Variants in CCBE1 observed in about 807,000 individuals in gnomAD.
CCBE1 encodes the protein collagen and calcium binding EGF domains 1.
Under a neutral mutation model 50.0 loss-of-function variants are expected in CCBE1, and 37 were observed. The ratio of observed to expected loss-of-function variants is 0.74; its 90% confidence interval spans 0.57 to 0.97. CCBE1 has a LOEUF of 0.97. Ranked by LOEUF, CCBE1 falls within the 50% of genes least tolerant of loss-of-function variation. The pLI, the probability that CCBE1 is intolerant of heterozygous loss-of-function variation, is 0.00. For missense variants in CCBE1, 538 were observed against 523.8 expected, an observed-to-expected ratio of 1.03 and a Z score of -0.26; for synonymous variants, 234 against 203.7, an observed-to-expected ratio of 1.15 and a Z score of -1.27.
At chr18:59,668,623 A>T (rs949682456) in intron 2 of CCBE1, among the ~76,000 whole-genome samples, 4 of 152,008 alleles carry the variant, frequency 2.6e-5, no homozygotes, top group African/African-American at 9.7e-5. Flanking sequence ...GGTTTTGTTC[A>T]GTTTATATTA....
intron 2 of CCBE1, among the ~76,000 whole-genome samples, chr18:59,535,234 T>C (rs1331017228): frequency 1.3e-5 from 2 of 152,216 alleles, no homozygotes; most frequent in Non-Finnish European, 2.9e-5. Flanking sequence ...GAGCTGAGAC[T>C]GTGCTGGAGG....
chr18:59,589,106 C>G (rs1387296521), intron 2 of CCBE1, among the ~76,000 whole-genome samples: 1 of 152,192 alleles, frequency 6.6e-6, no homozygotes, highest in Non-Finnish European at 1.5e-5. Context: ...AGGTCTGGAA[C>G]TCAACCCTTG....
chr18:59,643,623 T>C (rs1429784542), intron 2 of CCBE1, among the ~76,000 whole-genome samples: 11 of 152,250 alleles, frequency 7.2e-5, no homozygotes, highest in Middle Eastern at 3.4e-3. Flanking sequence ...GGCAAAACCC[T>C]GCCAAAAATA....
chr18:59,517,689 A>G (rs1914431223), intron 2 of CCBE1, among the ~76,000 whole-genome samples: 1 of 152,170 alleles, frequency 6.6e-6, no homozygotes, highest in African/African-American at 2.4e-5. Flanking sequence ...TATAAGCACC[A>G]CTTAAAACCA....
intron 2 of CCBE1, among the ~76,000 whole-genome samples, chr18:59,610,415 C>T (rs1193927242): frequency 2.0e-5 from 3 of 150,254 alleles, no homozygotes; most frequent in East Asian, 3.9e-4. Context: ...ACCCCTCCTG[C>T]CCCCCAAATA....
At chr18:59,634,076 C>G (rs1167953378) in intron 2 of CCBE1, among the ~76,000 whole-genome samples, 5 of 152,170 alleles carry the variant, frequency 3.3e-5, no homozygotes, top group African/African-American at 1.2e-4. Flanking sequence ...TACTAGGGAC[C>G]TGAATCCAAC....
chr18:59,569,089 G>A (rs567154214), intron 2 of CCBE1, among the ~76,000 whole-genome samples: 3 of 152,226 alleles, frequency 2.0e-5, no homozygotes, highest in Non-Finnish European at 2.9e-5. Context: ...AACGATGTTC[G>A]ATTCCACTCT....
chr18:59,614,322 T>C (rs1280859240), intron 2 of CCBE1, among the ~76,000 whole-genome samples: 1 of 152,214 alleles, frequency 6.6e-6, no homozygotes, highest in African/African-American at 2.4e-5. Flanking sequence ...ATATTTTCTA[T>C]TTTAAATATC....
chr18:59,518,027 A>C (rs1476428580), intron 2 of CCBE1, among the ~76,000 whole-genome samples: 1 of 152,076 alleles, frequency 6.6e-6, no homozygotes, highest in Non-Finnish European at 1.5e-5. Flanking sequence ...GGCGGAGGAA[A>C]CTTGCACCCA....
intron 2 of CCBE1, among the ~76,000 whole-genome samples, chr18:59,651,401 C>G (rs772864772): frequency 4.6e-5 from 7 of 152,212 alleles, no homozygotes; most frequent in Non-Finnish European, 7.3e-5. Flanking sequence ...CTTTTTGGGA[C>G]AGGTTTTTAA....
At chr18:59,459,425 G>A (rs75440883) in intron 5 of CCBE1, among the ~76,000 whole-genome samples, 150 of 152,264 alleles carry the variant, frequency 9.9e-4, no homozygotes, top group African/African-American at 3.1e-3. Context: ...GGTAGATGTC[G>A]CTGCATGTTT....
At chr18:59,526,507 C>T (rs8095438) in intron 2 of CCBE1, among the ~76,000 whole-genome samples, 54,887 of 151,804 alleles carry the variant, frequency 0.36, 10,167 homozygotes, top group Middle Eastern at 0.38. Context: ...GATGGGATTT[C>T]GCCACATTGG....
chr18:59,601,851 T>C (rs1428347689), intron 2 of CCBE1, among the ~76,000 whole-genome samples: 3 of 152,148 alleles, frequency 2.0e-5, no homozygotes, highest in Admixed American at 6.5e-5. Context: ...TTAGAAGAAA[T>C]TGTGCCTTGC....
At chr18:59,447,875 T>A in intron 7 of CCBE1, 108 bp downstream of exon 7, 1 of 1,556,232 alleles carries the variant, frequency 6.4e-7, no homozygotes, top group Non-Finnish European at 8.8e-7. Context: ...CCTGCCTTGT[T>A]TCTCCTCGAT....
At chr18:59,565,601 T>G (rs2052811536) in intron 2 of CCBE1, among the ~76,000 whole-genome samples, 1 of 152,178 alleles carries the variant, frequency 6.6e-6, no homozygotes, top group South Asian at 2.1e-4. Context: ...CAGTGCAAGA[T>G]GAACCTATGG....
At chr18:59,488,393 G>A (rs1912925471) in intron 2 of CCBE1, among the ~76,000 whole-genome samples, 1 of 152,174 alleles carries the variant, frequency 6.6e-6, no homozygotes, top group East Asian at 1.9e-4. Context: ...AAGTGAAGAA[G>A]TAATTCAGTT....
intron 2 of CCBE1, among the ~76,000 whole-genome samples, chr18:59,618,662 A>C (rs1322468577): frequency 6.6e-6 from 1 of 152,092 alleles, no homozygotes; most frequent in Non-Finnish European, 1.5e-5. Flanking sequence ...TCCTGGCCTC[A>C]AGTGATCCAC....
chr18:59,656,714 C>G (rs911504731), intron 2 of CCBE1, among the ~76,000 whole-genome samples: 18 of 152,178 alleles, frequency 1.2e-4, no homozygotes, highest in African/African-American at 3.9e-4. Context: ...GTTGTAAACA[C>G]AAGACTTATT....
intron 2 of CCBE1, among the ~76,000 whole-genome samples, chr18:59,618,628 A>G (rs1476268269): frequency 6.6e-6 from 1 of 152,144 alleles, no homozygotes; most frequent in East Asian, 1.9e-4. Context: ...GGGTTTTGCC[A>G]TGTTGGCCAG....
Sources: gnomAD v4.1 joint callset for allele counts (sites outside exome capture counted in the v4.1 genomes callset) on GRCh38, gnomAD v4.1.1 for gene constraint, MANE v1.5 for transcripts, NCBI Gene and HGNC (gene_info 2026-07-23, HGNC 2026-07-21) for gene names.